Variants in YIPF5 observed in about 807,000 individuals in gnomAD.
YIPF5 encodes Yip1 domain family member 5.
Under a neutral mutation model 30.4 loss-of-function variants are expected in YIPF5, and 8 were observed. That is an observed-to-expected ratio of 0.26 (90% CI 0.15 to 0.47). The LOEUF is 0.47. Ranked by LOEUF, YIPF5 falls within the 20% of genes least tolerant of loss-of-function variation. The pLI is 0.99. For synonymous variants in YIPF5, 104 were observed against 107.9 expected (o/e 0.96, Z 0.23); for missense variants, 282 against 301.8 (o/e 0.93, Z 0.49).
Position 144,159,306 on chromosome 5 carries a change from T to C in YIPF5, c.*1091A>G, listed in dbSNP as rs1441124975. 1.0e-5 allele frequency: 10 copies of C among 972,440 alleles called. No individual in the cohort carries two copies. Among genetic ancestry groups the C allele is most frequent in the African/African-American group, 3.5e-5 (2 of 56,894 alleles). The allele number at this position is 972,440 out of a possible 1,614,324, so 60.2% of individuals were successfully genotyped here. A position where few individuals can be genotyped will look rare whatever the true frequency, so the allele number is the denominator to read the frequency against. ...GAAAGTTTTAATAAGCATTCAAATGTACTTTACATTGATAATTGCAATATT... is the reference window on the plus strand; with the variant it reads ...GAAAGTTTTAATAAGCATTCAAATGCACTTTACATTGATAATTGCAATATT... On this transcript the variant is annotated 3_prime_UTR_variant, in exon 6 of 6. Coordinates refer to ENST00000274496, the MANE Select transcript of YIPF5 (RefSeq NM_030799.9).
intron 4 of YIPF5, 41 bp from the exon 5 acceptor site, chr5:144,162,440 A>C: frequency 6.4e-7 from 1 of 1,557,892 alleles, no homozygotes; most frequent in Non-Finnish European, 8.7e-7. Flanking sequence ...GCAAAAAATA[A>C]GTTATTTCTG....
Position 144,159,037 on chromosome 5 carries a change from C to A in YIPF5, c.*1360G>T. 1.0e-6 allele frequency: 1 copy of A among 984,136 alleles called. No homozygotes were observed. Among genetic ancestry groups the A allele is most frequent in the Non-Finnish European group, 1.2e-6 (1 of 828,944 alleles). 61.0% of individuals were successfully genotyped at this position (984,136 alleles called of 1,614,324 possible). ...AAGCCAATGATCAGTATACAAGATA[C>A]AGTATTTTCCTACAGATTCTCTCTG... On this transcript the variant is annotated 3_prime_UTR_variant, in exon 6 of 6. Coordinates refer to ENST00000274496, the MANE Select transcript of YIPF5 (RefSeq NM_030799.9).
chr5:144,169,841 G>C lies in YIPF5; in HGVS notation c.110+5C>G. 1 of 1,610,678 alleles carries C rather than the reference G, an allele frequency of 6.2e-7. No individual in the cohort carries two copies. Among genetic ancestry groups the C allele is most frequent in the Non-Finnish European group, 8.5e-7 (1 of 1,177,480 alleles). On this transcript the variant is annotated splice_donor_5th_base_variant and intron_variant, in intron 2 of 5. Transcript: ENST00000274496. Reference sequence around the variant, plus strand: ...CTAAATTAATTGCCAAAGATGAAAAGTTACTTGCTATAGGGTCCTCCACTT... The same window carrying C: ...CTAAATTAATTGCCAAAGATGAAAACTTACTTGCTATAGGGTCCTCCACTT...
chr5:144,162,476 T>G, intron 4 of YIPF5, 77 bp from the exon 5 acceptor site: 1 of 1,297,526 alleles, frequency 7.7e-7, no homozygotes, highest in South Asian at 1.4e-5. Context: ...AATCAGTACA[T>G]GTAGCAAATA....
At chr5:144,163,915 T>C (rs1237201936) in intron 4 of YIPF5, 196 bp downstream of exon 4, 33 of 490,186 alleles carry the variant, frequency 6.7e-5, no homozygotes, top group South Asian at 1.0e-4. Context: ...GAAAAAGAAA[T>C]GATTTTTAAA....
At chr5:144,167,689 C>T (rs999888636) in intron 2 of YIPF5, among the ~76,000 whole-genome samples, 1 of 151,986 alleles carries the variant, frequency 6.6e-6, no homozygotes, top group Non-Finnish European at 1.5e-5. Flanking sequence ...ATGAATGATA[C>T]TTGTGAAACA....
At chr5:144,170,111 T>C (rs976236677) in intron 1 of YIPF5, 146 bp from the exon 2 acceptor site, 23 of 651,120 alleles carry the variant, frequency 3.5e-5, no homozygotes, top group Non-Finnish European at 5.1e-5. Flanking sequence ...TACGCAGCAT[T>C]TGAACGACGG....
rs1375831871 is a variant in YIPF5, at chr5:144,158,456, G to T, written c.*1941C>A. ...TAAACAACAAAAAAGAAAATAATTT[G>T]ATCCATATGTGATATTTGGCTGAAG... On this transcript the variant is annotated 3_prime_UTR_variant, in exon 6 of 6. Transcript: ENST00000274496. The T allele has an allele frequency of 7.8e-7, 1 of 1,274,268 alleles. No individual in the cohort carries two copies. The highest frequency in any genetic ancestry group is 1.0e-6 in the Non-Finnish European group (1 of 983,936). 78.9% of individuals were successfully genotyped at this position (1,274,268 alleles called of 1,614,324 possible).
intron 2 of YIPF5, among the ~76,000 whole-genome samples, chr5:144,168,074 T>C (rs1275390079): frequency 1.3e-5 from 2 of 152,206 alleles, no homozygotes; most frequent in Non-Finnish European, 2.9e-5. Context: ...ATAGCAATAA[T>C]GGTTATATAA....
chr5:144,163,383 A>G (rs1752106442), intron 4 of YIPF5, among the ~76,000 whole-genome samples: 1 of 152,186 alleles, frequency 6.6e-6, no homozygotes, highest in African/African-American at 2.4e-5. Context: ...AGTGTTTTTA[A>G]CTTTTCAATG....
chr5:144,161,593 G>T (rs536161368), intron 5 of YIPF5, among the ~76,000 whole-genome samples: 2 of 152,114 alleles, frequency 1.3e-5, no homozygotes, highest in African/African-American at 4.8e-5. Context: ...TGATCTGCCC[G>T]CCTAGGCCTC....
intron 4 of YIPF5, among the ~76,000 whole-genome samples, chr5:144,163,283 AC>A (rs1195082706): frequency 6.6e-6 from 1 of 152,242 alleles, no homozygotes; most frequent in Non-Finnish European, 1.5e-5. Flanking sequence ...ATTTGTAAAT[AC>A]TTGATTAAAA....
intron 3 of YIPF5, 50 bp downstream of exon 3, chr5:144,165,382 T>A (rs1752172361): frequency 1.9e-6 from 3 of 1,558,664 alleles, no homozygotes; most frequent in Non-Finnish European, 2.6e-6. Flanking sequence ...TAATTTTCAC[T>A]AACCAGCTGA....
At position 144,162,254 on chromosome 5, in the gene YIPF5, A is replaced by T; in HGVS notation, c.575T>A (p.Ile192Asn). Residue 192 changes from isoleucine to asparagine, a missense_variant, in exon 5 of 6, where the codon ATC (isoleucine) becomes AAC (asparagine). Coordinates refer to ENST00000274496, the MANE Select transcript of YIPF5 (RefSeq NM_030799.9). ...TATCACTGCAAAGCTGGAAAGTAGG[A>T]TCATGGGCAGAAGACAATATCCAAG... ...SVLGYCLLPMILLSSFAVIFS... is the reference protein window; with the variant it reads ...SVLGYCLLPMNLLSSFAVIFS... 1.9e-6 allele frequency: 3 copies of T among 1,614,074 alleles called. No homozygotes were observed. Among genetic ancestry groups the T allele is most frequent in the Non-Finnish European group, 2.5e-6 (3 of 1,179,972 alleles).
intron 2 of YIPF5, among the ~76,000 whole-genome samples, chr5:144,166,353 G>C (rs1752202304): frequency 6.6e-6 from 1 of 152,196 alleles, no homozygotes; most frequent in Admixed American, 6.5e-5. Flanking sequence ...TAGCAAGAGG[G>C]AAGAGGATAC....
At chr5:144,165,649 T>C (rs771029039) in intron 2 of YIPF5, 45 bp from the exon 3 acceptor site, 3 of 1,591,922 alleles carry the variant, frequency 1.9e-6, no homozygotes, top group Non-Finnish European at 2.6e-6. Flanking sequence ...ATTTCAACTC[T>C]GTACAGTTAA....
chr5:144,163,006 T>A (rs546027177), intron 4 of YIPF5, among the ~76,000 whole-genome samples: 1 of 152,290 alleles, frequency 6.6e-6, no homozygotes, highest in East Asian at 1.9e-4. Flanking sequence ...TTTTCCAAAT[T>A]ATTGGCTGAT....
At position 144,165,581 on chromosome 5, in the gene YIPF5, G is replaced by A. The variant is rs765875592; in HGVS notation, c.134C>T (p.Ser45Leu). 41 of 1,613,926 alleles carry A rather than the reference G, an allele frequency of 2.5e-5. No individual in the cohort carries two copies. The highest frequency in any genetic ancestry group is 1.4e-4 in the South Asian group (13 of 91,082). The change falls in exon 3 of 6, where the codon TCG becomes TTG. Residue 45 changes from serine (S) to leucine (L), a missense_variant. By Grantham distance (145) the Ser-to-Leu change is moderately radical. Transcript: ENST00000274496. ...TGGAGGGACAAATCTGCCTTGCTGCGAATAGTCATAGCCAGCATACTGTCT... is the reference window on the plus strand; with the variant it reads ...TGGAGGGACAAATCTGCCTTGCTGCAAATAGTCATAGCCAGCATACTGTCT... ...YSKQYAGYDY[S>L]QQGRFVPPDM...
At chr5:144,168,131 G>T (rs1752250325) in intron 2 of YIPF5, among the ~76,000 whole-genome samples, 1 of 152,116 alleles carries the variant, frequency 6.6e-6, no homozygotes. Context: ...AATGCTTACT[G>T]GTACATGATT....
Sources: allele counts gnomAD v4.1 joint callset (sites outside exome capture counted in the v4.1 genomes callset), GRCh38; gene constraint gnomAD v4.1.1; transcripts MANE v1.5; gene names NCBI Gene and HGNC (gene_info 2026-07-23, HGNC 2026-07-21).